Variants in AFG2A observed in about 807,000 individuals in gnomAD.
AFG2A encodes the protein AAA ATPase AFG2A, also known as ATPase family gene 2 protein homolog A.
chr4:122,988,815 A>C, the AFG2A span, among the ~76,000 whole-genome samples: 1 of 151,958 alleles, frequency 6.6e-6, no homozygotes, highest in African/African-American at 2.4e-5. Flanking sequence ...TTCACTCTTC[A>C]TTCTTTTTTC....
the AFG2A span, among the ~76,000 whole-genome samples, chr4:122,988,050 T>C: frequency 1.5e-5 from 2 of 130,594 alleles, no homozygotes; most frequent in African/African-American, 5.6e-5. Context: ...TCTGGTATAG[T>C]ATTCTTTGTT....
the AFG2A span, among the ~76,000 whole-genome samples, chr4:123,051,769 T>C: frequency 7.0e-4 from 105 of 150,700 alleles, no homozygotes; most frequent in African/African-American, 2.2e-3. Flanking sequence ...ATAATTTCAC[T>C]CCCTCCAACC....
the AFG2A span, among the ~76,000 whole-genome samples, chr4:122,993,061 C>CTGCA: frequency 6.6e-6 from 1 of 151,814 alleles, no homozygotes; most frequent in Non-Finnish European, 1.5e-5. Context: ...TCTCAGCTTA[C>CTGCA]TGCAGCCTTC....
At chr4:123,317,562 T>C in the AFG2A span, 1 of 152,218 alleles carries the variant, frequency 6.6e-6, no homozygotes, top group East Asian at 1.9e-4. Flanking sequence ...TCTAGCAAAG[T>C]TGAAGACCCT....
chr4:122,925,194 A>G, the AFG2A span, among the ~76,000 whole-genome samples: 291 of 152,206 alleles, frequency 1.9e-3, no homozygotes, highest in South Asian at 4.4e-3. Context: ...TATTACCTAA[A>G]TATTTTACAT....
the AFG2A span, among the ~76,000 whole-genome samples, chr4:123,088,278 C>G: frequency 6.6e-6 from 1 of 152,112 alleles, no homozygotes; most frequent in Non-Finnish European, 1.5e-5. Context: ...TTTCTTATGA[C>G]AGCCCACCTT....
the AFG2A span, among the ~76,000 whole-genome samples, chr4:123,226,871 A>G: frequency 2.6e-5 from 4 of 152,174 alleles, no homozygotes; most frequent in African/African-American, 4.8e-5. Flanking sequence ...GCTATTAATT[A>G]TTGCCTCAAT....
chr4:123,288,409 A>T, the AFG2A span, among the ~76,000 whole-genome samples: 1 of 152,172 alleles, frequency 6.6e-6, no homozygotes, highest in Admixed American at 6.5e-5. Flanking sequence ...CAGCACAGAT[A>T]CTTCATCTAT....
At chr4:123,095,065 A>G in the AFG2A span, among the ~76,000 whole-genome samples, 808 of 120,578 alleles carry the variant, frequency 6.7e-3, 14 homozygotes, top group African/African-American at 0.022. Flanking sequence ...ATATATATAT[A>G]TGTGTGTGTG....
At chr4:123,201,362 G>GT in the AFG2A span, among the ~76,000 whole-genome samples, 1 of 152,100 alleles carries the variant, frequency 6.6e-6, no homozygotes, top group African/African-American at 2.4e-5. Context: ...CTCCAAACCC[G>GT]TAAGTTGTAC....
chr4:123,189,720 C>G, the AFG2A span, among the ~76,000 whole-genome samples: 1 of 151,272 alleles, frequency 6.6e-6, no homozygotes, highest in Admixed American at 6.6e-5. Flanking sequence ...AAGATGCCTT[C>G]CATTTGCCTA....
the AFG2A span, among the ~76,000 whole-genome samples, chr4:123,244,896 A>C: frequency 6.6e-6 from 1 of 152,124 alleles, no homozygotes; most frequent in Non-Finnish European, 1.5e-5. Flanking sequence ...TGTCCTTTGA[A>C]TATCTTATGG....
the AFG2A span, among the ~76,000 whole-genome samples, chr4:123,034,372 C>T: frequency 6.6e-6 from 1 of 151,612 alleles, no homozygotes; most frequent in South Asian, 2.1e-4. Flanking sequence ...GTGCTCATAA[C>T]CCCTCTCCAA....
chr4:123,224,869 C>T, the AFG2A span, among the ~76,000 whole-genome samples: 1 of 152,120 alleles, frequency 6.6e-6, no homozygotes, highest in African/African-American at 2.4e-5. Flanking sequence ...CTCTCCAGCA[C>T]CTGTTGTTTC....
the AFG2A span, among the ~76,000 whole-genome samples, chr4:123,227,717 T>G: frequency 6.6e-6 from 1 of 152,216 alleles, no homozygotes; most frequent in Admixed American, 6.5e-5. Context: ...TCTGTAGTTG[T>G]CTATTAGGTC....
chr4:123,115,329 T>C, the AFG2A span, among the ~76,000 whole-genome samples: 2 of 152,110 alleles, frequency 1.3e-5, no homozygotes, highest in South Asian at 4.1e-4. Flanking sequence ...GGGTGGATCC[T>C]GGGGTTGCAG....
At chr4:123,218,966 A>G in the AFG2A span, among the ~76,000 whole-genome samples, 1 of 152,206 alleles carries the variant, frequency 6.6e-6, no homozygotes, top group Non-Finnish European at 1.5e-5. Context: ...GACAGATCCA[A>G]TAGGAGCCAT....
the AFG2A span, among the ~76,000 whole-genome samples, chr4:122,959,404 T>C: frequency 6.6e-6 from 1 of 152,204 alleles, no homozygotes; most frequent in Non-Finnish European, 1.5e-5. Context: ...TGAAAAAAAG[T>C]CACAAGTAAA....
the AFG2A span, among the ~76,000 whole-genome samples, chr4:123,171,522 T>G: frequency 6.6e-6 from 1 of 152,108 alleles, no homozygotes; most frequent in Admixed American, 6.6e-5. Context: ...AAAATTTGTT[T>G]ATACACACAC....
Sources: allele counts gnomAD v4.1 joint callset (sites outside exome capture counted in the v4.1 genomes callset), GRCh38; gene constraint gnomAD v4.1.1; transcripts MANE v1.5; gene names NCBI Gene and HGNC (gene_info 2026-07-23, HGNC 2026-07-21).